Variants in AGAP1 observed in about 807,000 individuals in gnomAD.
The protein encoded by AGAP1 is ArfGAP with GTPase domain, ankyrin repeat and PH domain 1, also known as arf-GAP with GTPase, ANK repeat and PH domain-containing protein 1.
In AGAP1, 29 loss-of-function variants were observed where a neutral mutation model predicts 105.3. The ratio of observed to expected loss-of-function variants is 0.28; its 90% CI spans 0.21 to 0.38. The LOEUF is 0.38. Ranked by LOEUF, AGAP1 falls within the 10% of genes least tolerant of loss-of-function variation. AGAP1 has a pLI of 1.00. For missense variants in AGAP1, 998 were observed against 1,165.1 expected (o/e 0.86, Z 2.09); for synonymous variants, 509 against 485.9 (o/e 1.05, Z -0.63).
At chr2:235,661,693 C>T (rs1426222063) in intron 1 of AGAP1, among the ~76,000 whole-genome samples, 2 of 152,186 alleles carry the variant, frequency 1.3e-5, no homozygotes, top group East Asian at 3.9e-4. Context: ...GAAGCCCCTG[C>T]TGCTGATCTG....
Position 235,663,161 on chromosome 2 carries a change from T to C in AGAP1, c.164-46018T>C, listed in dbSNP as rs2149342604. 6.6e-6 allele frequency among the ~76,000 whole-genome samples: 1 copy of C among 152,180 alleles called. No individual in the cohort carries two copies. Among genetic ancestry groups the C allele is most frequent in the South Asian group, 2.1e-4 (1 of 4,818 alleles). On this transcript the variant is annotated intron_variant, in intron 1 of 17. Transcript: ENST00000304032. The surrounding 1 kb of genome is among the most constrained non-coding windows in gnomAD (Gnocchi z 5.4). ...CCCTGTCTCTACTAAAAATAAAAAT[T>C]AGCTGGGCATGGTGGTGGGCGCCTG...
chr2:235,741,079 T>G lies in AGAP1; in HGVS notation c.396+31T>G. 1 of 1,512,222 alleles carries G rather than the reference T, an allele frequency of 6.6e-7. No individual in the cohort carries two copies. The highest frequency in any genetic ancestry group is 1.3e-5 in the South Asian group (1 of 74,786). 93.7% of individuals were successfully genotyped at this position (1,512,222 alleles called of 1,614,324 possible). On this transcript the variant is annotated intron_variant, in intron 4 of 17. Transcript: ENST00000304032. The surrounding 1 kb of genome is among the most constrained non-coding windows in gnomAD (Gnocchi z 4.9). Reference sequence around the variant, plus strand: ...TATACATGCATGCCCCAAGCCTGCTTTTTTTCCCTTTGTTTTCTAAGGTTT... The same window carrying G: ...TATACATGCATGCCCCAAGCCTGCTGTTTTTCCCTTTGTTTTCTAAGGTTT...
intron 9 of AGAP1, among the ~76,000 whole-genome samples, chr2:235,836,795 T>C (rs1960215266): frequency 6.6e-6 from 1 of 152,126 alleles, no homozygotes; most frequent in South Asian, 2.1e-4. Flanking sequence ...TAAAGCTCCC[T>C]CCTCGAGATA....
chr2:235,759,136 C>T (rs572757698), intron 6 of AGAP1, among the ~76,000 whole-genome samples: 4 of 143,268 alleles, frequency 2.8e-5, no homozygotes, highest in South Asian at 2.2e-4. Flanking sequence ...ATTCTGGTGT[C>T]GTTAGCCCTA....
At position 235,857,934 on chromosome 2, in the gene AGAP1, T is replaced by C. The variant is rs182197513; in HGVS notation, c.1051-25411T>C. On this transcript the variant is annotated intron_variant, in intron 9 of 17. Transcript: ENST00000304032. ...GCCCATGTTGGGAGTGTGAGGCTTATACCCAGGGCTGCTTCCTGGGTGATC... is the reference window on the plus strand; with the variant it reads ...GCCCATGTTGGGAGTGTGAGGCTTACACCCAGGGCTGCTTCCTGGGTGATC... 2.0e-3 allele frequency among the ~76,000 whole-genome samples: 309 copies of C among 152,340 alleles called. 1 individual carries two copies. Among genetic ancestry groups the C allele is most frequent in the Non-Finnish European group, 3.1e-3 (213 of 68,040 alleles).
At chr2:235,903,217 A>T (rs1443696318) in intron 10 of AGAP1, among the ~76,000 whole-genome samples, 1 of 152,198 alleles carries the variant, frequency 6.6e-6, no homozygotes, top group Non-Finnish European at 1.5e-5. Context: ...ATTGGAACAG[A>T]TTGCCACTAT....
chr2:235,762,297 G>A (rs953871998), intron 6 of AGAP1, among the ~76,000 whole-genome samples: 7 of 152,140 alleles, frequency 4.6e-5, no homozygotes, highest in Non-Finnish European at 7.3e-5. Flanking sequence ...ACCTCAGAAA[G>A]GGTGGCTTTG....
chr2:235,578,262 G>T lies in AGAP1; in HGVS notation c.163+83413G>T, dbSNP rs1944804294. Among the ~76,000 whole-genome samples, 1 of 152,138 alleles carries T rather than the reference G, an allele frequency of 6.6e-6. No individual in the cohort carries two copies. Among genetic ancestry groups the T allele is most frequent in the South Asian group, 2.1e-4 (1 of 4,826 alleles). On this transcript the variant is annotated intron_variant, in intron 1 of 17. Coordinates refer to ENST00000304032, the MANE Select transcript of AGAP1 (RefSeq NM_001037131.3). This position sits in a 1 kb window ranked among gnomAD's most constrained non-coding sequence, Gnocchi z 4.9. ...GGTGCCCGTCTCCTACCTGCACTGT[G>T]CCCCCACACCTTTGTTGACAAGGAC...
In AGAP1 at chr2:235,979,599, G is replaced by A. The variant is rs536051469; in HGVS notation, c.1645+10976G>A. Among the ~76,000 whole-genome samples, 17 of 152,154 alleles carry A rather than the reference G, an allele frequency of 1.1e-4. No individual in the cohort carries two copies. Among genetic ancestry groups the A allele is most frequent in the Non-Finnish European group, 1.9e-4 (13 of 68,030 alleles). On this transcript the variant is annotated intron_variant, in intron 13 of 17. Transcript: ENST00000304032. This position sits in a 1 kb window ranked among gnomAD's most constrained non-coding sequence, Gnocchi z 4.5. ...GTGTGGAGCCAGTGAAAGAACAGGC[G>A]CAGCGAACGTTCCGGCAGGCATTGC...
Position 235,663,898 on chromosome 2 carries a change from A to G in AGAP1, c.164-45281A>G, listed in dbSNP as rs1275825165. On this transcript the variant is annotated intron_variant, in intron 1 of 17. Transcript: ENST00000304032. This position sits in a 1 kb window ranked among gnomAD's most constrained non-coding sequence, Gnocchi z 5.4. Reference sequence around the variant, plus strand: ...ATAGGCCTGTTCCCCTGTGCACCCAATACTAGGAAGATTAGATAATGTGTA... The same window carrying G: ...ATAGGCCTGTTCCCCTGTGCACCCAGTACTAGGAAGATTAGATAATGTGTA... Among the ~76,000 whole-genome samples the G allele has an allele frequency of 6.6e-6, 1 of 152,196 alleles. No homozygotes were observed. Among genetic ancestry groups the G allele is most frequent in the Non-Finnish European group, 1.5e-5 (1 of 68,022 alleles).
chr2:236,042,464 C>T lies in AGAP1; in HGVS notation c.1891+1623C>T, dbSNP rs530693350. 1.3e-4 allele frequency among the ~76,000 whole-genome samples: 20 copies of T among 152,192 alleles called. No homozygotes were observed. Among genetic ancestry groups the T allele is most frequent in the African/African-American group, 4.3e-4 (18 of 41,504 alleles). ...TTCAAATGTGTGGTGAAATGAAGTT[C>T]GAAGAGAGAAGCAGTTATTTGAAGT... On this transcript the variant is annotated intron_variant, in intron 15 of 17. Coordinates refer to ENST00000304032, the MANE Select transcript of AGAP1 (RefSeq NM_001037131.3). The surrounding 1 kb of genome is among the most constrained non-coding windows in gnomAD (Gnocchi z 5.6).
intron 1 of AGAP1, among the ~76,000 whole-genome samples, chr2:235,531,370 C>G (rs1182615893): frequency 6.6e-6 from 1 of 152,136 alleles, no homozygotes; most frequent in Admixed American, 6.5e-5. Flanking sequence ...TATTCTCCCC[C>G]TCAACTGTAG....
At chr2:236,011,925 A>G (rs1250469441) in intron 13 of AGAP1, among the ~76,000 whole-genome samples, 4 of 151,872 alleles carry the variant, frequency 2.6e-5, no homozygotes, top group Non-Finnish European at 4.4e-5. Flanking sequence ...TAGCCCCTCA[A>G]AGTGATTCCA....
At chr2:235,715,815 G>A (rs1456666903) in intron 2 of AGAP1, among the ~76,000 whole-genome samples, 3 of 152,070 alleles carry the variant, frequency 2.0e-5, no homozygotes, top group Admixed American at 6.5e-5. Context: ...AGGAGGGAGC[G>A]GACTCCCTGA....
rs548433985 is a variant in AGAP1, at chr2:235,531,834, ACTC to A, written c.163+36988_163+36990del. On this transcript the variant is annotated intron_variant, in intron 1 of 17. Coordinates refer to ENST00000304032, the MANE Select transcript of AGAP1 (RefSeq NM_001037131.3). ...ACTGTGTTGGTCAGGCTGGTCTCGA[ACTC>A]CTGACCTTCGTTGATCCATGTGCCT... is the stretch of plus-strand genomic sequence containing the variant. 5.4e-5 allele frequency among the ~76,000 whole-genome samples: 8 copies of A among 147,884 alleles called. No homozygotes were observed. In the South Asian group the frequency reaches 1.8e-3, roughly 33 times the overall value.
intron 16 of AGAP1, among the ~76,000 whole-genome samples, chr2:236,102,881 A>G (rs536777037): frequency 2.0e-5 from 3 of 152,316 alleles, no homozygotes; most frequent in South Asian, 4.1e-4. Context: ...CCTTTCGCTA[A>G]TAGTGTAACT....
At position 235,655,672 on chromosome 2, in the gene AGAP1, G is replaced by A. The variant is rs1162621186; in HGVS notation, c.164-53507G>A. Among the ~76,000 whole-genome samples, 1 of 152,198 alleles carries A rather than the reference G, an allele frequency of 6.6e-6. No homozygotes were observed. Among genetic ancestry groups the A allele is most frequent in the Non-Finnish European group, 1.5e-5 (1 of 68,038 alleles). The stretch of plus-strand genomic sequence containing the variant: ...GCCAAGCAGTTAACTGCGTTCCAGC[G>A]AAGCAGGTGCCCCGTGTGTTGCTCT... On this transcript the variant is annotated intron_variant, in intron 1 of 17. Coordinates refer to ENST00000304032, the MANE Select transcript of AGAP1 (RefSeq NM_001037131.3). The surrounding 1 kb of genome is among the most constrained non-coding windows in gnomAD (Gnocchi z 4.3).
At chr2:235,761,502 C>T (rs1446091716) in intron 6 of AGAP1, among the ~76,000 whole-genome samples, 1 of 152,196 alleles carries the variant, frequency 6.6e-6, no homozygotes, top group Non-Finnish European at 1.5e-5. Flanking sequence ...GGTATCATAG[C>T]TGTGTTTTGC....
At position 235,689,931 on chromosome 2, in the gene AGAP1, TA is replaced by T. The variant is rs1399153620; in HGVS notation, c.164-19245del. Reference sequence around the variant, plus strand: ...GTGTCATTTGTGGTATTTTTTTTTTTAAATACTGCTTTTGTTTATTTTCCCT... The same window carrying T: ...GTGTCATTTGTGGTATTTTTTTTTTTAATACTGCTTTTGTTTATTTTCCCT... On this transcript the variant is annotated intron_variant, in intron 1 of 17. Coordinates refer to ENST00000304032, the MANE Select transcript of AGAP1 (RefSeq NM_001037131.3). This position sits in a 1 kb window ranked among gnomAD's most constrained non-coding sequence, Gnocchi z 4.2. Among the ~76,000 whole-genome samples, 1 of 152,184 alleles carries T rather than the reference TA, an allele frequency of 6.6e-6. No homozygotes were observed. The highest frequency in any genetic ancestry group is 1.5e-5 in the Non-Finnish European group (1 of 68,028).
Sources: gnomAD v4.1 joint callset for allele counts (sites outside exome capture counted in the v4.1 genomes callset) on GRCh38, gnomAD v4.1.1 for gene constraint, Gnocchi (gnomAD v3.1) non-coding constraint, MANE v1.5 for transcripts, NCBI Gene and HGNC (gene_info 2026-07-23, HGNC 2026-07-21) for gene names.